MROH6: variants seen among roughly 807,000 people sequenced by gnomAD.
MROH6 encodes the protein maestro heat like repeat family member 6.
MROH6 carries 62 observed loss-of-function variants against 67.7 expected under a neutral mutation model. The ratio of observed to expected loss-of-function variants is 0.92; its 90% CI spans 0.75 to 1.13. The LOEUF is 1.13. MROH6 is among the 50% of genes most tolerant of loss of function. The probability of loss-of-function intolerance (pLI) is 0.00; values close to 1 mark genes in which losing one functional copy is unlikely to be tolerated. For synonymous variants in MROH6, 566 were observed against 470.8 expected (o/e 1.20, Z -2.62); for missense variants, 1,175 against 1,029.1 (o/e 1.14, Z -1.94).
chr8:143,568,003 G>A (rs932963315), intron 11 of MROH6, 115 bp from the exon 12 acceptor site: 22 of 1,441,992 alleles, frequency 1.5e-5, no homozygotes, highest in Non-Finnish European at 1.9e-5. Context: ...CAGGTGGCAT[G>A]GTCGGAGACC....
chr8:143,571,700 C>T lies in MROH6; in HGVS notation c.569G>A (p.Cys190Tyr). 6.4e-7 allele frequency: 1 copy of T among 1,552,226 alleles called. No individual in the cohort carries two copies. Among genetic ancestry groups the T allele is most frequent in the Non-Finnish European group, 8.7e-7 (1 of 1,148,794 alleles). The change falls in exon 3 of 14, where the codon TGT becomes TAT. Residue 190 changes from cysteine (C) to tyrosine (Y), a missense_variant. Cys to Tyr is a radical substitution (Grantham distance 194). Coordinates refer to ENST00000398882, the MANE Select transcript of MROH6 (RefSeq NM_001100878.2). ...LALEHARDVV[C>Y]ALLPRSLPAD... ...GGGCAGAGAGCGGGGTAGCAGCGCACACACCACGTCCCGCGCATGCTCCAG... is the reference window on the plus strand; with the variant it reads ...GGGCAGAGAGCGGGGTAGCAGCGCATACACCACGTCCCGCGCATGCTCCAG...
intron 11 of MROH6, 93 bp downstream of exon 11, chr8:143,568,049 C>G (rs1823733126): frequency 6.6e-7 from 1 of 1,503,804 alleles, no homozygotes; most frequent in African/African-American, 1.4e-5. Flanking sequence ...TCTGGTTTGG[C>G]TGCAGTAGAA....
intron 3 of MROH6, 104 bp from the exon 4 acceptor site, chr8:143,571,098 G>T: frequency 1.2e-6 from 1 of 868,436 alleles, no homozygotes; most frequent in Non-Finnish European, 1.8e-6. Flanking sequence ...GACTCCAGCA[G>T]GGGAGGGGCA....
At position 143,568,735 on chromosome 8, in the gene MROH6, C is replaced by T; in HGVS notation, c.1477-16G>A. The T allele has an allele frequency of 6.8e-7, 1 of 1,462,594 alleles. No individual in the cohort carries two copies. Among genetic ancestry groups the T allele is most frequent in the Non-Finnish European group, 9.0e-7 (1 of 1,108,094 alleles). 90.6% of individuals were successfully genotyped at this position (1,462,594 alleles called of 1,614,324 possible). On this transcript the variant is annotated splice_polypyrimidine_tract_variant and intron_variant, in intron 9 of 13. Coordinates refer to ENST00000398882, the MANE Select transcript of MROH6 (RefSeq NM_001100878.2). ...AGTCCCGTGTCTGCGTGGGAGGGCG[C>T]AGTCAGGGCAGGCGGAGACAGAGAG...
chr8:143,571,383 C>G (rs528977764), intron 3 of MROH6, among the ~76,000 whole-genome samples: 1 of 152,328 alleles, frequency 6.6e-6, no homozygotes, highest in South Asian at 2.1e-4. Context: ...CACCCCACTC[C>G]GGAGCCAACC....
Position 143,567,263 on chromosome 8 carries a change from G to GC in MROH6, c.2135dup (p.Cys713LeufsTer27), listed in dbSNP as rs1373090257. On this transcript the variant is annotated frameshift_variant, in exon 14 of 14. Coordinates refer to ENST00000398882, the MANE Select transcript of MROH6 (RefSeq NM_001100878.2). LOFTEE classifies it low-confidence loss of function (END_TRUNC). ...CTCAGGCTCGGCGGGGTCCGGAGCAGCCCCAGCGGCCCGCGACGCTCCGGC... is the reference window on the plus strand; with the variant it reads ...CTCAGGCTCGGCGGGGTCCGGAGCAGCCCCCAGCGGCCCGCGACGCTCCGGC... 1 of 1,222,296 alleles carries GC rather than the reference G, an allele frequency of 8.2e-7. No individual in the cohort carries two copies. The highest frequency in any genetic ancestry group is 4.3e-5 in the Admixed American group (1 of 23,372). 75.7% of individuals were successfully genotyped at this position (1,222,296 alleles called of 1,614,324 possible). A position where few individuals can be genotyped will look rare whatever the true frequency, so the allele number is the denominator to read the frequency against.
chr8:143,568,193 G>A lies in MROH6; in HGVS notation c.1713C>T (p.Thr571=), dbSNP rs1359379892. Residue 571 remains threonine (T), a synonymous_variant, in exon 11 of 14, where the codon ACC becomes ACT. Coordinates refer to ENST00000398882, the MANE Select transcript of MROH6 (RefSeq NM_001100878.2). ...FCWGLLEELV[T]VAHYDSPEAL... ...CCTCGGGGCTGTCATAGTGGGCCACGGTGACCAACTCCTCCAGCAGGCCCC... is the reference window on the plus strand; with the variant it reads ...CCTCGGGGCTGTCATAGTGGGCCACAGTGACCAACTCCTCCAGCAGGCCCC... 1.2e-5 allele frequency: 20 copies of A among 1,610,730 alleles called. No homozygotes were observed. Among genetic ancestry groups the A allele is most frequent in the Admixed American group, 5.0e-5 (3 of 59,784 alleles).
rs1563920741 is a variant in MROH6, at chr8:143,571,006, G to C, written c.603-12C>G. 1.3e-6 allele frequency: 2 copies of C among 1,547,966 alleles called. No individual in the cohort carries two copies. The highest frequency in any genetic ancestry group is 2.7e-5 in the African/African-American group (2 of 72,962). ...GCTCGGCTGCTACCCTGAGGGTTTGGAGGGGGCTGGTGTGAGACAAGAGAT... is the reference window on the plus strand; with the variant it reads ...GCTCGGCTGCTACCCTGAGGGTTTGCAGGGGGCTGGTGTGAGACAAGAGAT... On this transcript the variant is annotated splice_polypyrimidine_tract_variant and intron_variant, in intron 3 of 13. Coordinates refer to ENST00000398882, the MANE Select transcript of MROH6 (RefSeq NM_001100878.2).
chr8:143,569,081 G>A, intron 9 of MROH6, among the ~76,000 whole-genome samples: 1 of 41,444 alleles, frequency 2.4e-5, no homozygotes, highest in Admixed American at 2.3e-4. Flanking sequence ...GGGAGAAACT[G>A]GAGGGGCGGG....
intron 1 of MROH6, 87 bp from the exon 2 acceptor site, chr8:143,572,272 C>T: frequency 6.4e-7 from 1 of 1,560,872 alleles, no homozygotes; most frequent in East Asian, 2.3e-5. Context: ...TGGCTTCCTA[C>T]AAAATCCCTT....
chr8:143,570,767 G>A, intron 4 of MROH6, 110 bp from the exon 5 acceptor site: 1 of 1,414,006 alleles, frequency 7.1e-7, no homozygotes, highest in Non-Finnish European at 9.5e-7. Flanking sequence ...ACACGCATGG[G>A]ACATTCCAGG....
At position 143,572,143 on chromosome 8, in the gene MROH6, C is replaced by T. The variant is rs181369335; in HGVS notation, c.337G>A (p.Ala113Thr). ...TCCAGGCAGGCAGCCGTGTACAACG[C>T]GAGGTCGGCAAGAACTCCCTCCTCC... ...SWEEGVLADL[A>T]LYTAACLEEA... Residue 113 changes from alanine to threonine, a missense_variant, in exon 2 of 14, where the codon GCG becomes ACG. Transcript: ENST00000398882. 192 of 1,613,076 alleles carry T rather than the reference C, an allele frequency of 1.2e-4. 1 individual carries two copies. The highest frequency in any genetic ancestry group is 9.4e-4 in the East Asian group (42 of 44,884).
At chr8:143,568,377 G>T in intron 10 of MROH6, 116 bp from the exon 11 acceptor site, 1 of 1,456,420 alleles carries the variant, frequency 6.9e-7, no homozygotes, top group Non-Finnish European at 9.2e-7. Context: ...CAGGGCAGGA[G>T]ACTGGATTGA....
intron 9 of MROH6, 140 bp from the exon 10 acceptor site, chr8:143,568,859 G>T (rs1000030449): frequency 4.8e-6 from 3 of 630,844 alleles, no homozygotes; most frequent in Middle Eastern, 4.3e-4. Context: ...AGGGAACAGG[G>T]CCTGGAGCTG....
Position 143,566,896 on chromosome 8 carries a change from C to T in MROH6, c.*343G>A, listed in dbSNP as rs1587004358. The stretch of plus-strand genomic sequence containing the variant: ...CCTGTCCAGGCATGAGGTGGAGACC[C>T]AGGAGGGCAGGCTATGGGACCACCA... On this transcript the variant is annotated 3_prime_UTR_variant, in exon 14 of 14. Transcript: ENST00000398882. 4.9e-6 allele frequency: 1 copy of T among 202,378 alleles called. No homozygotes were observed. Among genetic ancestry groups the T allele is most frequent in the East Asian group, 1.0e-4 (1 of 9,592 alleles). 12.5% of individuals were successfully genotyped at this position (202,378 alleles called of 1,614,324 possible).
rs779455558 is a variant in MROH6, at chr8:143,570,460, T to G, written c.905+13A>C. 6.4e-7 allele frequency: 1 copy of G among 1,571,464 alleles called. No homozygotes were observed. Among genetic ancestry groups the G allele is most frequent in the South Asian group, 1.2e-5 (1 of 84,898 alleles). On this transcript the variant is annotated intron_variant, in intron 5 of 13. Transcript: ENST00000398882. ...TGCTGGCCCGCCCCACGTAACCTGGTGTTGCCTCTCACCTGGCATGGCTAT... is the reference window on the plus strand; with the variant it reads ...TGCTGGCCCGCCCCACGTAACCTGGGGTTGCCTCTCACCTGGCATGGCTAT...
Position 143,570,247 on chromosome 8 carries a change from C to A in MROH6, c.1039G>T (p.Ala347Ser). The change falls in exon 6 of 14, where the codon GCC becomes TCC. Residue 347 changes from alanine to serine, a missense_variant. Ala to Ser is a moderately conservative substitution (Grantham distance 99). Transcript: ENST00000398882. The stretch of plus-strand genomic sequence containing the variant: ...GCCCCTCCTCACCCTCCTCACCTGG[C>A]CAGCAGCAGGACGCCCTCCAGGTGG... ...HTHLEGVLLLASAMVAHADHH... is the reference protein window; with the variant it reads ...HTHLEGVLLLSSAMVAHADHH... 6.3e-7 allele frequency: 1 copy of A among 1,582,900 alleles called. No homozygotes were observed. The highest frequency in any genetic ancestry group is 8.6e-7 in the Non-Finnish European group (1 of 1,166,354).
At chr8:143,570,757 A>G in intron 4 of MROH6, 100 bp from the exon 5 acceptor site, 1 of 1,437,106 alleles carries the variant, frequency 7.0e-7, no homozygotes, top group Non-Finnish European at 9.4e-7. Context: ...ACAGCCTCAG[A>G]CACGCATGGG....
Position 143,569,541 on chromosome 8 carries a change from G to A in MROH6, c.1376C>T (p.Ala459Val). 1 of 1,528,242 alleles carries A rather than the reference G, an allele frequency of 6.5e-7. No homozygotes were observed. 94.7% of individuals were successfully genotyped at this position (1,528,242 alleles called of 1,614,324 possible). A position where few individuals can be genotyped will look rare whatever the true frequency, so the allele number is the denominator to read the frequency against. Reference protein sequence around the residue: ...LGEGDARLVGAALGALRRLLL... With the variant: ...LGEGDARLVGVALGALRRLLL... ...GAGCCTCCTCAGGGCGCCCAGCGCT[G>A]CACCCACGAGCCGCGCGTCGCCTTC... The change falls in exon 9 of 14, where the codon GCA (alanine) becomes GTA (valine). Residue 459 changes from alanine to valine, a missense_variant. Transcript: ENST00000398882.
Sources: gnomAD v4.1 joint callset for allele counts (sites outside exome capture counted in the v4.1 genomes callset) on GRCh38, gnomAD v4.1.1 for gene constraint, MANE v1.5 for transcripts, NCBI Gene and HGNC (gene_info 2026-07-23, HGNC 2026-07-21) for gene names.